Variants in CENPW observed in about 807,000 individuals in gnomAD.
CENPW encodes the protein centromere protein W.
In CENPW, 3 loss-of-function variants were observed where a neutral mutation model predicts 11.1. That is an observed-to-expected ratio of 0.27 (90% CI 0.12 to 0.70). The LOEUF is 0.70. Ranked by LOEUF, CENPW falls within the 30% of genes least tolerant of loss-of-function variation. The probability of loss-of-function intolerance (pLI) is 0.77; values close to 1 mark genes in which losing one functional copy is unlikely to be tolerated. For missense variants in CENPW, 100 were observed against 105.6 expected, an observed-to-expected ratio of 0.95 and a Z score of 0.23; for synonymous variants, 38 against 42.0, an observed-to-expected ratio of 0.91 and a Z score of 0.37.
At chr6:126,449,372 C>T in the CENPW span, among the ~76,000 whole-genome samples, 1 of 150,992 alleles carries the variant, frequency 6.6e-6, no homozygotes, top group East Asian at 1.9e-4. Flanking sequence ...TTGAAATTCC[C>T]ACAGTGCCTA....
chr6:126,382,750 ATAAT>A, the CENPW span, among the ~76,000 whole-genome samples: 1 of 152,162 alleles, frequency 6.6e-6, no homozygotes, highest in Non-Finnish European at 1.5e-5. Context: ...AAAAATTAAA[ATAAT>A]GAATGAAACC....
In CENPW at chr6:126,348,648, A is replaced by G; in HGVS notation, c.*156A>G. On this transcript the variant is annotated 3_prime_UTR_variant, in exon 3 of 3. Transcript: ENST00000368328. ...TTTTTTTTCTGGCATGAAATATCTC[A>G]AGTAAATGCATAGGACTATTTAACC... The G allele has an allele frequency of 1.9e-6, 1 of 534,308 alleles. No homozygotes were observed. The highest frequency in any genetic ancestry group is 3.3e-6 in the Non-Finnish European group (1 of 298,976). 33.1% of individuals were successfully genotyped at this position (534,308 alleles called of 1,614,324 possible).
chr6:126,443,408 C>A, the CENPW span, among the ~76,000 whole-genome samples: 3 of 151,016 alleles, frequency 2.0e-5, no homozygotes, highest in African/African-American at 7.3e-5. Context: ...TGTAAACTAG[C>A]GGGATTTGGA....
chr6:126,364,152 G>T, the CENPW span, among the ~76,000 whole-genome samples: 2 of 152,080 alleles, frequency 1.3e-5, no homozygotes, highest in South Asian at 4.1e-4. Context: ...TAAACCTGAG[G>T]TCTATAATTC....
At chr6:126,466,968 T>C in the CENPW span, among the ~76,000 whole-genome samples, 9 of 151,916 alleles carry the variant, frequency 5.9e-5, no homozygotes, top group African/African-American at 1.2e-4. Flanking sequence ...ACAGTGAGAA[T>C]TACAAAACAC....
chr6:126,412,825 T>A, the CENPW span, among the ~76,000 whole-genome samples: 4 of 152,132 alleles, frequency 2.6e-5, no homozygotes, highest in Non-Finnish European at 4.4e-5. Flanking sequence ...CTTTTCTGCC[T>A]CTTCAGACTT....
At chr6:126,416,868 G>A in the CENPW span, among the ~76,000 whole-genome samples, 1 of 152,214 alleles carries the variant, frequency 6.6e-6, no homozygotes. Flanking sequence ...CAGTGCAGAA[G>A]GGAAATATGG....
chr6:126,422,897 G>A, the CENPW span, among the ~76,000 whole-genome samples: 2 of 151,992 alleles, frequency 1.3e-5, no homozygotes, highest in African/African-American at 4.8e-5. Flanking sequence ...GAATGAACGG[G>A]GCCTTCTGAA....
the CENPW span, among the ~76,000 whole-genome samples, chr6:126,425,846 A>G: frequency 1.3e-5 from 2 of 151,722 alleles, no homozygotes; most frequent in African/African-American, 4.8e-5. Flanking sequence ...GACAAAGTTC[A>G]TCTCTAAGGT....
chr6:126,349,701 A>G (rs1026398202), downstream of CENPW, among the ~76,000 whole-genome samples: 1 of 152,128 alleles, frequency 6.6e-6, no homozygotes, highest in Admixed American at 6.6e-5. Context: ...ATAACTATTC[A>G]CTTAAATTGA....
At chr6:126,360,512 A>C in the CENPW span, among the ~76,000 whole-genome samples, 4 of 152,258 alleles carry the variant, frequency 2.6e-5, no homozygotes, top group Admixed American at 1.3e-4. Context: ...TGTAACCTCA[A>C]ATATATTTTC....
chr6:126,376,465 C>A, the CENPW span, among the ~76,000 whole-genome samples: 1 of 152,058 alleles, frequency 6.6e-6, no homozygotes, highest in African/African-American at 2.4e-5. Context: ...TGTATTACAA[C>A]ATTAGTAACA....
the CENPW span, among the ~76,000 whole-genome samples, chr6:126,376,307 A>G: frequency 6.6e-6 from 1 of 152,252 alleles, no homozygotes; most frequent in African/African-American, 2.4e-5. Flanking sequence ...TTCACATCCC[A>G]GGTTATTGCT....
At chr6:126,421,095 C>T in the CENPW span, among the ~76,000 whole-genome samples, 1 of 152,110 alleles carries the variant, frequency 6.6e-6, no homozygotes, top group African/African-American at 2.4e-5. Context: ...ATTTGGAAGA[C>T]ATATTCTCTT....
At chr6:126,396,069 G>A in the CENPW span, among the ~76,000 whole-genome samples, 2 of 152,026 alleles carry the variant, frequency 1.3e-5, no homozygotes, top group African/African-American at 4.8e-5. Flanking sequence ...AGAATCTAGG[G>A]CTCTACAATC....
At chr6:126,386,381 C>T in the CENPW span, among the ~76,000 whole-genome samples, 1 of 152,042 alleles carries the variant, frequency 6.6e-6, no homozygotes, top group African/African-American at 2.4e-5. Context: ...GTTCCATCCT[C>T]GCACCAAACT....
chr6:126,408,623 A>C, the CENPW span, among the ~76,000 whole-genome samples: 7 of 152,170 alleles, frequency 4.6e-5, no homozygotes, highest in Admixed American at 4.6e-4. Flanking sequence ...TGCAGATTGA[A>C]ATGGGAGATT....
chr6:126,437,187 G>A, the CENPW span, among the ~76,000 whole-genome samples: 1 of 151,780 alleles, frequency 6.6e-6, no homozygotes, highest in Non-Finnish European at 1.5e-5. Flanking sequence ...CTTTTAAGCA[G>A]TTTCTTAAAC....
chr6:126,438,930 G>A, the CENPW span, among the ~76,000 whole-genome samples: 28 of 151,718 alleles, frequency 1.8e-4, no homozygotes, highest in Non-Finnish European at 3.0e-4. Flanking sequence ...TTTAAACTTT[G>A]TTACATACTT....
Sources: allele counts gnomAD v4.1 joint callset (sites outside exome capture counted in the v4.1 genomes callset), GRCh38; gene constraint gnomAD v4.1.1; transcripts MANE v1.5; gene names NCBI Gene and HGNC (gene_info 2026-07-23, HGNC 2026-07-21).